Variants in GPR143 observed in about 807,000 individuals in gnomAD.
GPR143 encodes G-protein coupled receptor 143.
A neutral mutation model predicts 27.6 loss-of-function variants in GPR143; 8 were observed. The observed-to-expected ratio is 0.29, with a 90% confidence interval of 0.17 to 0.52. The LOEUF (loss-of-function observed/expected upper bound fraction) is 0.52, where lower values mean the gene tolerates loss of function less well. GPR143 is among the 20% of genes least tolerant of loss of function. The probability of loss-of-function intolerance (pLI) is 0.96; values close to 1 mark genes in which losing one functional copy is unlikely to be tolerated. For synonymous variants in GPR143, 156 were observed against 153.2 expected (o/e 1.02, Z -0.13); for missense variants, 303 against 343.1 (o/e 0.88, Z 0.92).
upstream of GPR143, among the ~76,000 whole-genome samples, chrX:9,766,901 T>TCACA (rs1356803704): frequency 2.1e-4 from 14 of 65,152 alleles, no homozygotes; most frequent in South Asian, 9.0e-4. Flanking sequence ...TATCTCTCTC[T>TCACA]CTCACACACA....
intron 8 of GPR143, among the ~76,000 whole-genome samples, chrX:9,736,269 C>A (rs1188445624): frequency 2.7e-5 from 3 of 111,616 alleles, no homozygotes; most frequent in Non-Finnish European, 3.8e-5. Context: ...TGTGAGGTGT[C>A]CTAGGCAGCA....
chrX:9,763,646 C>T lies in GPR143; in HGVS notation c.250+1922G>A, dbSNP rs150138667. ...AGATGAGCCGGGTACCCGTACCTCACGAATCCCACGTACAGGGATTCACTG... is the reference window on the plus strand; with the variant it reads ...AGATGAGCCGGGTACCCGTACCTCATGAATCCCACGTACAGGGATTCACTG... On this transcript the variant is annotated intron_variant, in intron 1 of 8. Coordinates refer to ENST00000467482, the MANE Select transcript of GPR143 (RefSeq NM_000273.3). Among the ~76,000 whole-genome samples, 842 of 111,646 alleles carry T rather than the reference C, an allele frequency of 7.5e-3. 5 individuals are homozygous for T. Among genetic ancestry groups the T allele is most frequent in the Non-Finnish European group, 0.014 (740 of 53,156 alleles).
At chrX:9,731,799 G>T (rs1022019960) in intron 8 of GPR143, among the ~76,000 whole-genome samples, 3 of 82,395 alleles carry the variant, frequency 3.6e-5, no homozygotes, top group African/African-American at 1.3e-4. Context: ...TAAGGAATTG[G>T]GGGGGGGGGG....
chrX:9,741,174 C>G (rs2083402223), intron 7 of GPR143, 164 bp downstream of exon 7: 1 of 395,023 alleles, frequency 2.5e-6, no homozygotes, highest in South Asian at 5.2e-5. Context: ...GTCCCAGTTA[C>G]TCAGGAGGCC....
chrX:9,735,372 C>T (rs925629758), intron 8 of GPR143, among the ~76,000 whole-genome samples: 3 of 111,279 alleles, frequency 2.7e-5, no homozygotes, highest in Admixed American at 9.5e-5. Flanking sequence ...CCAAACAAGA[C>T]GCAGACTTTC....
At chrX:9,770,323 A>AGAGAGAGAGAGAGAG (rs2083549800), upstream of GPR143, among the ~76,000 whole-genome samples, 35 of 88,987 alleles carry the variant, frequency 3.9e-4, no homozygotes, top group African/African-American at 1.6e-3. Context: ...AAGAAAGAAA[A>AGAGAGAGAGAGAGAG]AGAGAGAGAG....
At position 9,725,377 on chromosome X, in the gene GPR143, G is replaced by A. The variant is rs1397833545; in HGVS notation, c.*369C>T. The A allele has an allele frequency of 5.7e-6, 1 of 174,360 alleles. No homozygotes were observed. The highest frequency in any genetic ancestry group is 1.1e-5 in the Non-Finnish European group (1 of 93,468). The allele number at this position is 174,360 out of a possible 1,213,427, so 14.4% of individuals were successfully genotyped here. On this transcript the variant is annotated 3_prime_UTR_variant, in exon 9 of 9. Coordinates refer to ENST00000467482, the MANE Select transcript of GPR143 (RefSeq NM_000273.3). ...TACATGTATTTATTTTCTTTTGCTAGAAGTGTTAAGACAGAATCCAAGTCA... is the reference window on the plus strand; with the variant it reads ...TACATGTATTTATTTTCTTTTGCTAAAAGTGTTAAGACAGAATCCAAGTCA...
At chrX:9,742,295 G>T (rs1680215820) in intron 6 of GPR143, among the ~76,000 whole-genome samples, 1 of 111,378 alleles carries the variant, frequency 9.0e-6, no homozygotes, top group Admixed American at 9.6e-5. Flanking sequence ...TAGAGACAAG[G>T]TCTCGCTCTG....
In GPR143 at chrX:9,765,798, CCT is replaced by C; in HGVS notation, c.18_19del (p.Gly7AspfsTer93). ...GTCCCGCGTGGGGCAGCAGAAGGTC[CCT>C]AGGCGCGGGGAGGCCATGGGCTGTG... On this transcript the variant is annotated frameshift_variant, in exon 1 of 9. Coordinates refer to ENST00000467482, the MANE Select transcript of GPR143 (RefSeq NM_000273.3). LOFTEE classifies it high-confidence loss of function. The C allele has an allele frequency of 8.9e-7, 1 of 1,119,829 alleles. No individual in the cohort carries two copies. 92.3% of individuals were successfully genotyped at this position (1,119,829 alleles called of 1,213,427 possible).
chrX:9,771,764 T>TA (rs781401844), intron 1 of GPR143, among the ~76,000 whole-genome samples: 20 of 95,864 alleles, frequency 2.1e-4, no homozygotes, highest in Admixed American at 3.8e-4. Flanking sequence ...GCTGTGGCAA[T>TA]AGAGTGGTGT....
chrX:9,751,215 G>A (rs761565952), intron 3 of GPR143, among the ~76,000 whole-genome samples: 79 of 112,453 alleles, frequency 7.0e-4, no homozygotes, highest in African/African-American at 1.7e-3. Context: ...TGCTACTTAC[G>A]CTGCCCTCCA....
chrX:9,753,276 G>A (rs933616644), intron 3 of GPR143, among the ~76,000 whole-genome samples: 2 of 104,041 alleles, frequency 1.9e-5, no homozygotes, highest in East Asian at 6.1e-4. Flanking sequence ...GAGAGTTCCT[G>A]GAACCTGGGA....
rs1274924611 is a variant in GPR143 at position 9,760,840 on chromosome X, G to T, written c.251-14C>A. 2 of 910,704 alleles carry T rather than the reference G, an allele frequency of 2.2e-6. No homozygotes were observed. The highest frequency in any genetic ancestry group is 6.4e-5 in the East Asian group (2 of 31,375). The allele number at this position is 910,704 out of a possible 1,213,427, so 75.1% of individuals were successfully genotyped here. On this transcript the variant is annotated splice_polypyrimidine_tract_variant and intron_variant, in intron 1 of 8. Coordinates refer to ENST00000467482, the MANE Select transcript of GPR143 (RefSeq NM_000273.3). The stretch of plus-strand genomic sequence containing the variant: ...GGATCACCATACCTAAGAGAGAATT[G>T]GATAATACTTTGTATCTGATCCTAA...
chrX:9,753,005 T>C (rs6640499), intron 3 of GPR143, among the ~76,000 whole-genome samples: 21,095 of 109,909 alleles, frequency 0.19, 1,544 homozygotes, highest in South Asian at 0.31. Context: ...CCATGTCAGT[T>C]TAAGTGTAAG....
At chrX:9,776,423 C>T (rs1215959706) in intron 1 of GPR143, among the ~76,000 whole-genome samples, 1 of 111,676 alleles carries the variant, frequency 9.0e-6, no homozygotes, top group Non-Finnish European at 1.9e-5. Flanking sequence ...GACAGAGTCT[C>T]GCTCTGTTGC....
intron 3 of GPR143, among the ~76,000 whole-genome samples, chrX:9,751,918 A>G (rs2083452986): frequency 8.9e-6 from 1 of 112,857 alleles, no homozygotes; most frequent in Non-Finnish European, 1.9e-5. Flanking sequence ...GGGAGTGACC[A>G]TCTTGAGAGG....
Position 9,765,638 on chromosome X carries a change from G to C in GPR143, c.180C>G (p.Pro60=), listed in dbSNP as rs2083528254. 1.0e-6 allele frequency: 1 copy of C among 982,887 alleles called. No individual in the cohort carries two copies. The highest frequency in any genetic ancestry group is 1.3e-6 in the Non-Finnish European group (1 of 785,732). 81.0% of individuals were successfully genotyped at this position (982,887 alleles called of 1,213,427 possible). A position where few individuals can be genotyped will look rare whatever the true frequency, so the allele number is the denominator to read the frequency against. ...GGACCGAGGCCGGCGGGGACGTCGC[G>C]GGGGACCCGGGGCCCGCGGGCCGGC... The part of the protein sequence containing the change: ...PGRRPAGPGS[P]ATSPPASVRI... Residue 60 remains proline, a synonymous_variant, in exon 1 of 9, where the codon CCC becomes CCG. Coordinates refer to ENST00000467482, the MANE Select transcript of GPR143 (RefSeq NM_000273.3).
At chrX:9,741,559 A>G (rs1161744905) in intron 6 of GPR143, 104 bp from the exon 7 acceptor site, 5 of 512,875 alleles carry the variant, frequency 9.7e-6, no homozygotes, top group African/African-American at 9.3e-5. Context: ...TAAAAGTACC[A>G]ACTCCCGGTA....
upstream of GPR143, chrX:9,765,856 C>A: frequency 9.7e-7 from 1 of 1,033,964 alleles, no homozygotes; most frequent in Non-Finnish European, 1.2e-6. Flanking sequence ...GTGCCAGGAC[C>A]CCGCCGGCCT....
Sources: gnomAD v4.1 joint callset for allele counts (sites outside exome capture counted in the v4.1 genomes callset) on GRCh38, gnomAD v4.1.1 for gene constraint, MANE v1.5 for transcripts, NCBI Gene and HGNC (gene_info 2026-07-23, HGNC 2026-07-21) for gene names.